Variants in ST18 observed in about 807,000 individuals in gnomAD.
ST18 encodes suppression of tumorigenicity 18 protein.
Under a neutral mutation model 110.0 loss-of-function variants are expected in ST18, and 50 were observed. That is an observed-to-expected ratio of 0.45 (90% CI 0.36 to 0.58). ST18 has a LOEUF of 0.58. Among genes scored for constraint, ST18 ranks in the 20% least tolerant of loss-of-function variants. ST18 has a pLI of 0.00. For synonymous variants in ST18, 461 were observed against 452.4 expected (o/e 1.02, Z -0.24); for missense variants, 1,306 against 1,280.1 (o/e 1.02, Z -0.31).
chr8:52,214,166 G>A (rs1310290349), intron 7 of ST18, 37 bp downstream of exon 7: 2 of 1,606,954 alleles, frequency 1.2e-6, no homozygotes, highest in African/African-American at 1.3e-5. Flanking sequence ...TCATGGTGTG[G>A]TGGGCATAGT....
chr8:52,317,434 T>G (rs1200999294), intron 2 of ST18, among the ~76,000 whole-genome samples: 1 of 152,226 alleles, frequency 6.6e-6, no homozygotes, highest in Non-Finnish European at 1.5e-5. Context: ...CCTAGAGCCT[T>G]CGGAGGGAGC....
At chr8:52,316,073 A>G (rs1041582940) in intron 2 of ST18, among the ~76,000 whole-genome samples, 2 of 152,224 alleles carry the variant, frequency 1.3e-5, no homozygotes. Context: ...TCAATTGTGC[A>G]TATCCTACAA....
At chr8:52,265,236 T>C (rs1285917296) in intron 2 of ST18, among the ~76,000 whole-genome samples, 2 of 151,892 alleles carry the variant, frequency 1.3e-5, no homozygotes, top group Admixed American at 6.6e-5. Flanking sequence ...TGAAAGAAAA[T>C]AGGAAGAGCC....
In ST18 at chr8:52,164,103, A is replaced by G. The variant is rs1390147896; in HGVS notation, c.1296-13T>C. On this transcript the variant is annotated splice_polypyrimidine_tract_variant and intron_variant, in intron 12 of 25. Coordinates refer to ENST00000689386, the MANE Select transcript of ST18 (RefSeq NM_001352837.2). ...ACAACCAGAAAGACTGTTTAAAAAAAGAAACACAGGAGGATTTTAGTTAAA... is the reference window on the plus strand; with the variant it reads ...ACAACCAGAAAGACTGTTTAAAAAAGGAAACACAGGAGGATTTTAGTTAAA... The G allele has an allele frequency of 6.2e-7, 1 of 1,605,530 alleles. No individual in the cohort carries two copies. The highest frequency in any genetic ancestry group is 8.5e-7 in the Non-Finnish European group (1 of 1,172,078).
At chr8:52,146,171 A>G (rs913141589) in intron 16 of ST18, among the ~76,000 whole-genome samples, 3 of 152,184 alleles carry the variant, frequency 2.0e-5, no homozygotes, top group African/African-American at 7.2e-5. Context: ...AAATGTGAAC[A>G]ATAGATTGTC....
At position 52,149,758 on chromosome 8, in the gene ST18, G is replaced by A; in HGVS notation, c.2026C>T (p.His676Tyr). 1.2e-6 allele frequency: 2 copies of A among 1,614,064 alleles called. No individual in the cohort carries two copies. The highest frequency in any genetic ancestry group is 1.3e-5 in the African/African-American group (1 of 75,042). The change falls in exon 16 of 26, where the codon CAC (histidine) becomes TAC (tyrosine). Residue 676 changes from histidine (H) to tyrosine (Y), a missense_variant. His to Tyr is a moderately conservative substitution (Grantham distance 83). Coordinates refer to ENST00000689386, the MANE Select transcript of ST18 (RefSeq NM_001352837.2). ...TCTTTCTCCTCCTCTGTCTTCCCGT[G>A]AGTTTTGCTATAGTTGATAGGAGTG... ...WDTPINYSKT[H>Y]GKTEEEKEKD...
intron 8 of ST18, among the ~76,000 whole-genome samples, chr8:52,182,293 T>C (rs2070051468): frequency 6.6e-6 from 1 of 152,170 alleles, no homozygotes; most frequent in Admixed American, 6.5e-5. Flanking sequence ...TGCTGGATCA[T>C]ATGGTAGTTG....
intron 2 of ST18, among the ~76,000 whole-genome samples, chr8:52,339,526 T>C (rs1347519647): frequency 1.3e-5 from 2 of 152,224 alleles, no homozygotes; most frequent in African/African-American, 4.8e-5. Context: ...CACCTCAGAA[T>C]CCTGCCTCCA....
chr8:52,152,001 A>G (rs1362406493), intron 15 of ST18, among the ~76,000 whole-genome samples: 1 of 152,246 alleles, frequency 6.6e-6, no homozygotes, highest in African/African-American at 2.4e-5. Flanking sequence ...AAAATTCTAA[A>G]TAGTCCATTA....
At chr8:52,331,910 C>T (rs1442365812) in intron 2 of ST18, among the ~76,000 whole-genome samples, 1 of 152,100 alleles carries the variant, frequency 6.6e-6, no homozygotes, top group Non-Finnish European at 1.5e-5. Flanking sequence ...ATGAAGGACT[C>T]CTCTTCTCAC....
At chr8:52,385,546 G>A (rs1836316132) in intron 2 of ST18, among the ~76,000 whole-genome samples, 1 of 148,624 alleles carries the variant, frequency 6.7e-6, no homozygotes, top group East Asian at 2.0e-4. Context: ...GTTGCAGTGA[G>A]CCAAGATCAC....
At chr8:52,118,262 T>C (rs2043265755) in intron 24 of ST18, 76 bp downstream of exon 24, 1 of 975,338 alleles carries the variant, frequency 1.0e-6, no homozygotes, top group South Asian at 1.6e-5. Flanking sequence ...TTCACACAAG[T>C]TTTAAAATTT....
chr8:52,210,018 A>T, intron 8 of ST18: 1 of 454,324 alleles, frequency 2.2e-6, no homozygotes. Flanking sequence ...TGTTTTCAAG[A>T]AACGTCACTA....
At position 52,357,714 on chromosome 8, in the gene ST18, TA is replaced by T. The variant is rs1564568612; in HGVS notation, c.-465+51613del. On this transcript the variant is annotated intron_variant, in intron 2 of 25. Transcript: ENST00000689386. ...ATATATATATATATATATATATATATATATATATATATATATAAAACAGACT... is the reference window on the plus strand; with the variant it reads ...ATATATATATATATATATATATATATTATATATATATATATAAAACAGACT... Among the ~76,000 whole-genome samples the T allele has an allele frequency of 8.7e-3, 600 of 69,294 alleles. 13 individuals are homozygous for T. Among genetic ancestry groups the T allele is most frequent in the African/African-American group, 0.051 (538 of 10,534 alleles). 45.5% of individuals were successfully genotyped at this position (69,294 alleles called of 152,430 possible). A position where few individuals can be genotyped will look rare whatever the true frequency, so the allele number is the denominator to read the frequency against.
chr8:52,378,370 C>T (rs998581496), intron 2 of ST18, among the ~76,000 whole-genome samples: 8 of 152,216 alleles, frequency 5.3e-5, no homozygotes, highest in African/African-American at 1.7e-4. Flanking sequence ...CAAATATATA[C>T]AACTATAAGG....
intron 8 of ST18, among the ~76,000 whole-genome samples, chr8:52,193,392 T>G (rs2075201065): frequency 6.6e-6 from 1 of 152,140 alleles, no homozygotes; most frequent in African/African-American, 2.4e-5. Context: ...TGAGAGCCAT[T>G]TAACCCAAAG....
At chr8:52,334,116 C>A (rs1810933811) in intron 2 of ST18, among the ~76,000 whole-genome samples, 1 of 152,176 alleles carries the variant, frequency 6.6e-6, no homozygotes, top group Non-Finnish European at 1.5e-5. Context: ...GTTTTATATT[C>A]TCTGCCGGAT....
chr8:52,127,814 A>T (rs2047649660), intron 22 of ST18, among the ~76,000 whole-genome samples: 3 of 77,754 alleles, frequency 3.9e-5, no homozygotes, highest in Admixed American at 2.1e-4. Context: ...TCTTAAATTA[A>T]AAAAAAAAAA....
intron 2 of ST18, among the ~76,000 whole-genome samples, chr8:52,300,272 C>A (rs1201197835): frequency 6.6e-6 from 1 of 152,050 alleles, no homozygotes; most frequent in African/African-American, 2.4e-5. Context: ...GAGATGGCTG[C>A]GTGTTATATT....
Sources: allele counts gnomAD v4.1 joint callset (sites outside exome capture counted in the v4.1 genomes callset), GRCh38; gene constraint gnomAD v4.1.1; transcripts MANE v1.5; gene names NCBI Gene and HGNC (gene_info 2026-07-23, HGNC 2026-07-21).